The following IFT80 variants were observed in gnomAD, a reference collection of about 807,000 sequenced individuals.
IFT80 encodes intraflagellar transport 80.
A neutral mutation model predicts 107.9 loss-of-function variants in IFT80; 79 were observed. The observed-to-expected ratio is 0.73, with a 90% CI of 0.61 to 0.88. The LOEUF is 0.88. Ranked by LOEUF, IFT80 falls within the 40% of genes least tolerant of loss-of-function variation. The pLI, the probability that IFT80 is intolerant of heterozygous loss-of-function variation, is 0.00. For missense variants in IFT80, 797 were observed against 914.2 expected, an observed-to-expected ratio of 0.87 and a Z score of 1.65; for synonymous variants, 299 against 300.9, an observed-to-expected ratio of 0.99 and a Z score of 0.07.
At chr3:160,299,298 C>T in intron 12 of IFT80, 1 of 1,015,766 alleles carries the variant, frequency 9.8e-7, no homozygotes, top group Non-Finnish European at 1.3e-6. Flanking sequence ...TAGAAAAGCT[C>T]TATTTAGGAG....
intron 12 of IFT80, among the ~76,000 whole-genome samples, chr3:160,288,014 T>C (rs1211571709): frequency 6.6e-6 from 1 of 152,134 alleles, no homozygotes; most frequent in Non-Finnish European, 1.5e-5. Flanking sequence ...TAGAAACTCA[T>C]CCAAACTGGG....
At chr3:160,317,553 A>C (rs1358214812) in intron 9 of IFT80, among the ~76,000 whole-genome samples, 1 of 152,128 alleles carries the variant, frequency 6.6e-6, no homozygotes, top group African/African-American at 2.4e-5. Flanking sequence ...TATAAATATA[A>C]TATTATACCC....
intron 19 of IFT80, among the ~76,000 whole-genome samples, chr3:160,266,843 G>A (rs1487685316): frequency 6.6e-6 from 1 of 152,058 alleles, no homozygotes; most frequent in Non-Finnish European, 1.5e-5. Context: ...TCAAAACTGT[G>A]ACACAAAGAT....
chr3:160,282,076 G>A (rs985355438), intron 14 of IFT80, among the ~76,000 whole-genome samples: 2 of 152,280 alleles, frequency 1.3e-5, no homozygotes, highest in South Asian at 2.1e-4. Context: ...TCAGGAGTTC[G>A]AGACCAGCCT....
rs1473057548 is a variant in IFT80 at position 160,301,068 on chromosome 3, T to A, written c.1152-22A>T. ...ATGTCTAAAAAATAAAGAATAGAAA[T>A]AGATTCTCAAACAGGAGTATACTTT... On this transcript the variant is annotated intron_variant, in intron 11 of 19. Coordinates refer to ENST00000326448, the MANE Select transcript of IFT80 (RefSeq NM_020800.3). 8 of 1,549,280 alleles carry A rather than the reference T, an allele frequency of 5.2e-6. No homozygotes were observed. In the Middle Eastern group the frequency reaches 5.1e-4, roughly 100 times the overall value.
intron 12 of IFT80, among the ~76,000 whole-genome samples, chr3:160,294,842 C>T (rs918618990): frequency 6.6e-6 from 1 of 152,154 alleles, no homozygotes; most frequent in African/African-American, 2.4e-5. Context: ...AGTAAGCCCC[C>T]TAATTTTTAG....
At chr3:160,266,879 G>A (rs139975743) in intron 19 of IFT80, among the ~76,000 whole-genome samples, 1 of 152,206 alleles carries the variant, frequency 6.6e-6, no homozygotes, top group East Asian at 1.9e-4. Flanking sequence ...TTGTGTCACA[G>A]TTCTTTGGGC....
chr3:160,382,556 G>A (rs766828540), intron 2 of IFT80, among the ~76,000 whole-genome samples: 25 of 152,046 alleles, frequency 1.6e-4, no homozygotes, highest in Non-Finnish European at 2.8e-4. Context: ...ATCAGGACAG[G>A]GTGATTACCC....
intron 11 of IFT80, among the ~76,000 whole-genome samples, chr3:160,302,010 A>C (rs1396507566): frequency 6.6e-6 from 1 of 152,038 alleles, no homozygotes; most frequent in Non-Finnish European, 1.5e-5. Context: ...TGGATTAAAG[A>C]CCATACATTT....
chr3:160,333,018 A>C (rs1245721816), intron 8 of IFT80, among the ~76,000 whole-genome samples: 1 of 152,228 alleles, frequency 6.6e-6, no homozygotes, highest in African/African-American at 2.4e-5. Context: ...ATAATATAGC[A>C]TCTAGACTAT....
Position 160,282,475 on chromosome 3 carries a change from T to C in IFT80, c.1516+3A>G. Reference sequence around the variant, plus strand: ...AACTTAAAATGTATTAAAATTATTTTACCAAGCTTGATAATTTGTTCTTCC... The same window carrying C: ...AACTTAAAATGTATTAAAATTATTTCACCAAGCTTGATAATTTGTTCTTCC... On this transcript the variant is annotated splice_donor_region_variant and intron_variant, in intron 14 of 19. Coordinates refer to ENST00000326448, the MANE Select transcript of IFT80 (RefSeq NM_020800.3). The C allele has an allele frequency of 6.4e-7, 1 of 1,565,790 alleles. No homozygotes were observed. The highest frequency in any genetic ancestry group is 8.7e-7 in the Non-Finnish European group (1 of 1,143,598).
intron 5 of IFT80, among the ~76,000 whole-genome samples, 167 bp downstream of exon 5, chr3:160,375,645 G>A (rs1361451562): frequency 1.3e-5 from 2 of 151,998 alleles, no homozygotes; most frequent in African/African-American, 2.4e-5. Context: ...GGTACATCAG[G>A]TACCAAGCAA....
At chr3:160,388,439 G>A (rs948835848) in intron 1 of IFT80, among the ~76,000 whole-genome samples, 4 of 151,288 alleles carry the variant, frequency 2.6e-5, no homozygotes, top group Non-Finnish European at 4.4e-5. Context: ...AAAGCCTTAA[G>A]GAACTTTTAA....
intron 9 of IFT80, among the ~76,000 whole-genome samples, chr3:160,313,703 G>T (rs934118545): frequency 6.6e-6 from 1 of 151,334 alleles, no homozygotes; most frequent in Non-Finnish European, 1.5e-5. Context: ...TCTGCCTCCA[G>T]GGTTCAAGTG....
At position 160,356,059 on chromosome 3, in the gene IFT80, A is replaced by G; in HGVS notation, c.731T>C (p.Phe244Ser). 1 of 1,614,152 alleles carries G rather than the reference A, an allele frequency of 6.2e-7. No homozygotes were observed. The highest frequency in any genetic ancestry group is 8.5e-7 in the Non-Finnish European group (1 of 1,179,992). The change falls in exon 8 of 20, where the codon TTT becomes TCT. Residue 244 changes from phenylalanine to serine, a missense_variant. By Grantham distance (155) the Phe-to-Ser change is radical. Transcript: ENST00000326448. ...SVAWAPDGEL[F>S]AVGSFHTLRL... is the part of the protein sequence containing the mutation. ...TAAAGTATGAAACGATCCAACAGCA[A>G]ATAATTCTCCATCTGGAGCCCAGGC...
In IFT80 at chr3:160,300,061, C is replaced by G. The variant is rs116816067; in HGVS notation, c.1315+822G>C. Among the ~76,000 whole-genome samples, 412 of 152,162 alleles carry G rather than the reference C, an allele frequency of 2.7e-3. 3 individuals carry two copies. The highest frequency in any genetic ancestry group is 9.2e-3 in the African/African-American group (380 of 41,508). ...CCTTCTGGCAGTTCCTTTAACATGC[C>G]AGTTACTCTCACCTCAGAATCCTTG... is the stretch of plus-strand genomic sequence containing the variant. On this transcript the variant is annotated intron_variant, in intron 12 of 19. Coordinates refer to ENST00000326448, the MANE Select transcript of IFT80 (RefSeq NM_020800.3).
chr3:160,337,187 C>T (rs1053609969), intron 8 of IFT80, among the ~76,000 whole-genome samples: 1 of 152,196 alleles, frequency 6.6e-6, no homozygotes, highest in Non-Finnish European at 1.5e-5. Context: ...ATATAAAATG[C>T]TCACAATCAG....
chr3:160,357,469 TA>T lies in IFT80; in HGVS notation c.639+19del. 8.0e-7 allele frequency: 1 copy of T among 1,253,274 alleles called. No homozygotes were observed. The highest frequency in any genetic ancestry group is 1.2e-6 in the Non-Finnish European group (1 of 859,398). The allele number at this position is 1,253,274 out of a possible 1,614,324, so 77.6% of individuals were successfully genotyped here. ...AAATTTGATTATTTCAGCCAAGTGA[TA>T]AATCTAAACATTATATACCTTATAT... On this transcript the variant is annotated intron_variant, in intron 7 of 19. Transcript: ENST00000326448.
intron 12 of IFT80, among the ~76,000 whole-genome samples, chr3:160,289,821 C>T (rs756895297): frequency 3.3e-5 from 5 of 152,102 alleles, no homozygotes; most frequent in Admixed American, 6.6e-5. Context: ...GGGGACCCAA[C>T]ACCTTAAGCA....
Sources: allele counts gnomAD v4.1 joint callset (sites outside exome capture counted in the v4.1 genomes callset), GRCh38; gene constraint gnomAD v4.1.1; transcripts MANE v1.5; gene names NCBI Gene and HGNC (gene_info 2026-07-23, HGNC 2026-07-21).